The following GPR89A variants were observed in gnomAD, a reference collection of about 807,000 sequenced individuals.
The protein encoded by GPR89A is G protein-coupled receptor 89A.
Under a neutral mutation model 52.0 loss-of-function variants are expected in GPR89A, and 16 were observed. That is an observed-to-expected ratio of 0.31 (90% CI 0.21 to 0.47). The LOEUF (loss-of-function observed/expected upper bound fraction) is 0.47, where lower values mean the gene tolerates loss of function less well. Among genes scored for constraint, GPR89A ranks in the 20% least tolerant of loss-of-function variants. The pLI is 1.00. For missense variants in GPR89A, 135 were observed against 449.4 expected (o/e 0.30, Z 6.33); for synonymous variants, 55 against 150.9 (o/e 0.36, Z 4.66).
intron 10 of GPR89A, among the ~76,000 whole-genome samples, chr1:145,655,503 A>ATGT: frequency 1.3e-5 from 2 of 151,262 alleles, no homozygotes; most frequent in South Asian, 2.1e-4. Flanking sequence ...TTTTTTGTTG[A>ATGT]TGTTGTTGTT....
chr1:145,658,737 G>C (rs587654249), intron 10 of GPR89A, among the ~76,000 whole-genome samples: 1 of 150,762 alleles, frequency 6.6e-6, no homozygotes, highest in East Asian at 2.0e-4. Flanking sequence ...TTCTACTTTT[G>C]GGCCATTATC....
chr1:145,649,016 G>C (rs1379632241), intron 10 of GPR89A, among the ~76,000 whole-genome samples: 2 of 151,430 alleles, frequency 1.3e-5, no homozygotes, highest in African/African-American at 2.4e-5. Flanking sequence ...ATCTTGGCCA[G>C]GATGGTCTCG....
chr1:145,615,656 C>T (rs1648628985), intron 1 of GPR89A, among the ~76,000 whole-genome samples: 1 of 114,082 alleles, frequency 8.8e-6, no homozygotes, highest in Admixed American at 9.6e-5. Flanking sequence ...GACCTAGTCT[C>T]ACTCTATCAC....
At position 145,625,159 on chromosome 1, in the gene GPR89A, G is replaced by A. The variant is rs74362885; in HGVS notation, c.415+1445G>A. On this transcript the variant is annotated intron_variant, in intron 5 of 13. Transcript: ENST00000313835. Reference sequence around the variant, plus strand: ...AGCATATGCAATACCATAAATAGTTGTGTATTTTTAAAATAAGAATAACTT... The same window carrying A: ...AGCATATGCAATACCATAAATAGTTATGTATTTTTAAAATAAGAATAACTT... Among the ~76,000 whole-genome samples, 62 of 151,972 alleles carry A rather than the reference G, an allele frequency of 4.1e-4. 1 individual carries two copies. In the East Asian group the frequency reaches 8.7e-3, roughly 21 times the overall value.
chr1:145,645,724 A>G, intron 8 of GPR89A: 1 of 454,380 alleles, frequency 2.2e-6, no homozygotes, highest in South Asian at 1.6e-5. Flanking sequence ...AAAAGAAGAT[A>G]ATGTTTGAAA....
chr1:145,666,728 G>C (rs1424424398), intron 12 of GPR89A, among the ~76,000 whole-genome samples: 2 of 121,100 alleles, frequency 1.7e-5, no homozygotes, highest in Non-Finnish European at 3.2e-5. Context: ...GACAAGCCTC[G>C]GTGTGTGATG....
At chr1:145,608,287 C>G (rs1647958759) in intron 1 of GPR89A, 112 bp downstream of exon 1, 4 of 1,439,874 alleles carry the variant, frequency 2.8e-6, no homozygotes, top group Non-Finnish European at 3.9e-6. Flanking sequence ...CTTACGCGTC[C>G]TGCGCTAGTC....
intron 5 of GPR89A, among the ~76,000 whole-genome samples, chr1:145,626,947 T>A (rs1203805021): frequency 3.9e-5 from 4 of 103,382 alleles, no homozygotes; most frequent in African/African-American, 3.9e-5. Context: ...AGCGAGACTC[T>A]ACAAAAAAAA....
chr1:145,629,213 A>C (rs757445160), intron 5 of GPR89A, among the ~76,000 whole-genome samples: 1 of 152,172 alleles, frequency 6.6e-6, no homozygotes, highest in East Asian at 1.9e-4. Context: ...GATCAGAAGC[A>C]CAAGTGGAGA....
intron 9 of GPR89A, chr1:145,646,575 T>G (rs1651007227): frequency 4.7e-6 from 2 of 425,204 alleles, no homozygotes; most frequent in Admixed American, 8.0e-5. Flanking sequence ...TGGTAGCTAC[T>G]TTTATTCCTT....
chr1:145,641,036 A>G (rs1216162302), intron 7 of GPR89A, among the ~76,000 whole-genome samples: 1 of 151,826 alleles, frequency 6.6e-6, no homozygotes, highest in Admixed American at 6.6e-5. Flanking sequence ...ATGCAGAGCA[A>G]CTGGATCACT....
intron 8 of GPR89A, chr1:145,645,888 T>G (rs1650949296): frequency 2.0e-6 from 1 of 496,734 alleles, no homozygotes; most frequent in Non-Finnish European, 3.7e-6. Flanking sequence ...AACATTACAT[T>G]TGACTTAATC....
chr1:145,647,456 A>G (rs1250868857), intron 10 of GPR89A, among the ~76,000 whole-genome samples, 189 bp downstream of exon 10: 4 of 152,098 alleles, frequency 2.6e-5, no homozygotes, highest in Non-Finnish European at 5.9e-5. Context: ...ATAGATAAGA[A>G]AGGTTGCATT....
intron 7 of GPR89A, among the ~76,000 whole-genome samples, chr1:145,636,063 A>G (rs1201687771): frequency 1.3e-4 from 20 of 152,232 alleles, no homozygotes; most frequent in South Asian, 2.1e-4. Flanking sequence ...TATACATACT[A>G]TAGCCCATTT....
chr1:145,608,293 T>C (rs34955113), intron 1 of GPR89A, 118 bp downstream of exon 1: 583,446 of 1,386,446 alleles, frequency 0.42, 130,548 homozygotes, highest in African/African-American at 0.76. Context: ...CGTCCTGCGC[T>C]AGTCACTCTG....
Position 145,608,175 on chromosome 1 carries a change from G to A in GPR89A, c.42G>A (p.Gln14=), listed in dbSNP as rs782163418. 16 of 1,613,832 alleles carry A rather than the reference G, an allele frequency of 9.9e-6. No homozygotes were observed. The highest frequency in any genetic ancestry group is 1.4e-5 in the Non-Finnish European group (16 of 1,179,808). ...LIDSSIMITS[Q]ILFFGFGWLF... ...ACTCCAGCATCATGATTACCTCCCA[G>A]GTGAGTCACCGCCTCCCGCCCCGAC... is the stretch of plus-strand genomic sequence containing the variant. The change falls in exon 1 of 14, where the codon CAG becomes CAA. Residue 14 remains glutamine, a splice_region_variant and synonymous_variant. Transcript: ENST00000313835.
At chr1:145,610,599 A>AG (rs1241111101) in intron 1 of GPR89A, among the ~76,000 whole-genome samples, 56 of 152,246 alleles carry the variant, frequency 3.7e-4, no homozygotes, top group African/African-American at 1.3e-3. Flanking sequence ...CTACTGCCAT[A>AG]GTACCCTTCA....
At chr1:145,619,767 G>C (rs587659437) in intron 3 of GPR89A, among the ~76,000 whole-genome samples, 3 of 152,192 alleles carry the variant, frequency 2.0e-5, no homozygotes, top group African/African-American at 7.2e-5. Flanking sequence ...TGTAATCCCA[G>C]CACTTTGGGA....
intron 1 of GPR89A, among the ~76,000 whole-genome samples, chr1:145,610,065 T>TA (rs1648146049): frequency 6.6e-6 from 1 of 152,118 alleles, no homozygotes; most frequent in East Asian, 1.9e-4. Flanking sequence ...AGGTCCAAGA[T>TA]ACTGTCTGTC....
Sources: gnomAD v4.1 joint callset for allele counts (sites outside exome capture counted in the v4.1 genomes callset) on GRCh38, gnomAD v4.1.1 for gene constraint, MANE v1.5 for transcripts, NCBI Gene and HGNC (gene_info 2026-07-23, HGNC 2026-07-21) for gene names.